The following ROBO1 variants were observed in gnomAD, a reference collection of about 807,000 sequenced individuals.
ROBO1 encodes roundabout homolog 1.
ROBO1 carries 149 observed loss-of-function variants against 195.9 expected under a neutral mutation model. That is an observed-to-expected ratio of 0.76 (90% CI 0.67 to 0.87). ROBO1 has a LOEUF of 0.87. ROBO1 is among the 40% of genes least tolerant of loss of function. ROBO1 has a pLI of 0.00. For missense variants in ROBO1, 1,933 were observed against 2,068.3 expected (o/e 0.93, Z 1.27); for synonymous variants, 816 against 733.2 (o/e 1.11, Z -1.82).
chr3:79,237,917 C>A (rs1199134694), intron 2 of ROBO1, among the ~76,000 whole-genome samples: 1 of 152,132 alleles, frequency 6.6e-6, no homozygotes, highest in African/African-American at 2.4e-5. Flanking sequence ...TAGAGCCACA[C>A]ATTTTGTAAA....
intron 2 of ROBO1, among the ~76,000 whole-genome samples, chr3:79,265,443 A>G (rs1426753788): frequency 6.6e-6 from 1 of 151,658 alleles, no homozygotes. Context: ...ACAATTATAC[A>G]ATATGAATAA....
intron 3 of ROBO1, among the ~76,000 whole-genome samples, chr3:79,030,088 C>T (rs2078267057): frequency 6.6e-6 from 1 of 152,212 alleles, no homozygotes; most frequent in Non-Finnish European, 1.5e-5. Context: ...TTGCAGATAT[C>T]TGGGCATTCA....
intron 5 of ROBO1, among the ~76,000 whole-genome samples, chr3:78,726,878 G>T (rs543014141): frequency 6.6e-6 from 1 of 151,948 alleles, no homozygotes; most frequent in African/African-American, 2.4e-5. Context: ...TTTAAATTTT[G>T]GCATCAAATT....
intron 1 of ROBO1, among the ~76,000 whole-genome samples, chr3:79,692,711 TAGAC>T (rs759385826): frequency 2.0e-5 from 3 of 151,800 alleles, no homozygotes; most frequent in Non-Finnish European, 2.9e-5. Flanking sequence ...AAATTTCAGT[TAGAC>T]AGGAGAAATA....
At chr3:79,521,947 G>A (rs1941226855) in intron 2 of ROBO1, among the ~76,000 whole-genome samples, 3 of 152,136 alleles carry the variant, frequency 2.0e-5, no homozygotes, top group South Asian at 2.1e-4. Flanking sequence ...GGTTTACATA[G>A]ATAGGTAAAA....
chr3:78,902,736 G>C (rs991381578), intron 4 of ROBO1, among the ~76,000 whole-genome samples: 1 of 152,052 alleles, frequency 6.6e-6, no homozygotes, highest in African/African-American at 2.4e-5. Flanking sequence ...CCAGCTACTC[G>C]GAAGGCTTGA....
intron 2 of ROBO1, among the ~76,000 whole-genome samples, chr3:79,375,302 G>A (rs955221489): frequency 1.3e-5 from 2 of 152,112 alleles, no homozygotes; most frequent in African/African-American, 4.8e-5. Flanking sequence ...GCAAGCAAGA[G>A]GTGCTAGAAA....
intron 1 of ROBO1, among the ~76,000 whole-genome samples, chr3:79,674,098 A>G (rs1426744156): frequency 6.6e-6 from 1 of 152,038 alleles, no homozygotes; most frequent in Non-Finnish European, 1.5e-5. Context: ...TTTTAATGAT[A>G]TTTATGAAAC....
At chr3:79,400,759 T>C (rs1238109086) in intron 2 of ROBO1, among the ~76,000 whole-genome samples, 2 of 151,990 alleles carry the variant, frequency 1.3e-5, no homozygotes, top group African/African-American at 2.4e-5. Flanking sequence ...AAAATCAGTA[T>C]TGGAATTTTG....
In ROBO1 at chr3:78,799,740, G is replaced by A. The variant is rs562614724; in HGVS notation, c.500-52840C>T. Among the ~76,000 whole-genome samples the A allele has an allele frequency of 5.9e-5, 9 of 152,104 alleles. No homozygotes were observed. In the South Asian group the frequency reaches 1.5e-3, roughly 25 times the overall value. ...CTACTGGATTTCCTCCACCTACTGCGTCTATGATTGGATTATCATTTCCTT... is the reference window on the plus strand; with the variant it reads ...CTACTGGATTTCCTCCACCTACTGCATCTATGATTGGATTATCATTTCCTT... On this transcript the variant is annotated intron_variant, in intron 4 of 30. Transcript: ENST00000464233.
chr3:79,177,356 A>G (rs1289098837), intron 2 of ROBO1, among the ~76,000 whole-genome samples: 1 of 152,230 alleles, frequency 6.6e-6, no homozygotes, highest in African/African-American at 2.4e-5. Flanking sequence ...CAACAAGTGC[A>G]TTGCCTCAGA....
intron 2 of ROBO1, among the ~76,000 whole-genome samples, chr3:79,194,252 C>T (rs2081591101): frequency 6.6e-6 from 1 of 151,514 alleles, no homozygotes; most frequent in Non-Finnish European, 1.5e-5. Context: ...AAAAAGTAAC[C>T]TCTCTTGTTA....
chr3:78,869,605 G>A (rs1048896776), intron 4 of ROBO1, among the ~76,000 whole-genome samples: 11 of 151,898 alleles, frequency 7.2e-5, no homozygotes, highest in Non-Finnish European at 1.3e-4. Flanking sequence ...CCACAAGTGC[G>A]CCTCCACACC....
At chr3:79,030,063 A>G (rs906004270) in intron 3 of ROBO1, among the ~76,000 whole-genome samples, 2 of 152,258 alleles carry the variant, frequency 1.3e-5, no homozygotes, top group Admixed American at 6.5e-5. Flanking sequence ...ATCAAGAAGA[A>G]AGTCTATTTG....
chr3:79,674,669 T>A (rs1946728532), intron 1 of ROBO1, among the ~76,000 whole-genome samples: 1 of 151,938 alleles, frequency 6.6e-6, no homozygotes, highest in Non-Finnish European at 1.5e-5. Flanking sequence ...ATTCTGTCTT[T>A]ATGTAACACT....
chr3:79,085,326 T>C (rs963815446), intron 3 of ROBO1, among the ~76,000 whole-genome samples: 1 of 152,182 alleles, frequency 6.6e-6, no homozygotes, highest in African/African-American at 2.4e-5. Context: ...GATGTCATCA[T>C]TGCAAGCTAT....
At chr3:79,630,995 C>T (rs531342748) in intron 1 of ROBO1, among the ~76,000 whole-genome samples, 42 of 151,782 alleles carry the variant, frequency 2.8e-4, no homozygotes, top group Non-Finnish European at 5.8e-4. Flanking sequence ...AAATGGAAAA[C>T]CATCCCATGT....
intron 2 of ROBO1, among the ~76,000 whole-genome samples, chr3:79,419,020 T>G: frequency 6.6e-6 from 1 of 152,044 alleles, no homozygotes; most frequent in South Asian, 2.1e-4. Flanking sequence ...ACACGTGCAT[T>G]TGCAAGGCTG....
intron 1 of ROBO1, among the ~76,000 whole-genome samples, chr3:79,690,391 C>A (rs1947264549): frequency 6.6e-6 from 1 of 151,906 alleles, no homozygotes. Context: ...AAGGACTCAG[C>A]TTGCTCTGGA....
Sources: allele counts gnomAD v4.1 joint callset (sites outside exome capture counted in the v4.1 genomes callset), GRCh38; gene constraint gnomAD v4.1.1; transcripts MANE v1.5; gene names NCBI Gene and HGNC (gene_info 2026-07-23, HGNC 2026-07-21).